Variants in NCF2 observed in about 807,000 individuals in gnomAD.
NCF2 encodes neutrophil cytosolic factor 2, also known as neutrophil cytosol factor 2.
A neutral mutation model predicts 70.9 loss-of-function variants in NCF2; 45 were observed. The observed-to-expected ratio is 0.63, with a 90% CI of 0.50 to 0.81. The LOEUF (loss-of-function observed/expected upper bound fraction) is 0.81. Among genes scored for constraint, NCF2 ranks in the 40% least tolerant of loss-of-function variants. NCF2 has a pLI of 0.00. For missense variants in NCF2, 522 were observed against 631.6 expected (o/e 0.83, Z 1.86); for synonymous variants, 203 against 233.6 (o/e 0.87, Z 1.19).
rs562759045 is a variant in NCF2, at chr1:183,558,068, T to C, written c.1469-1838A>G. ...TTTTTTATTTTTAGTAGAGATGGGG[T>C]TTCACCATGTTGGCCAGGCTGGTCT... On this transcript the variant is annotated intron_variant, in intron 14 of 14. Coordinates refer to ENST00000367535, the MANE Select transcript of NCF2 (RefSeq NM_000433.4). 1.1e-3 allele frequency among the ~76,000 whole-genome samples: 165 copies of C among 151,732 alleles called. 1 individual carries two copies. Among genetic ancestry groups the C allele is most frequent in the African/African-American group, 3.8e-3 (158 of 41,352 alleles).
At chr1:183,594,324 T>C (rs901007991), upstream of NCF2, among the ~76,000 whole-genome samples, 10 of 152,256 alleles carry the variant, frequency 6.6e-5, no homozygotes, top group African/African-American at 2.4e-4. Context: ...GGGAGGATCA[T>C]TTGAGCTCAG....
intron 7 of NCF2, 76 bp from the exon 8 acceptor site, chr1:183,567,421 C>G: frequency 1.2e-6 from 2 of 1,600,440 alleles, no homozygotes; most frequent in East Asian, 4.5e-5. Flanking sequence ...GAACTTGGAG[C>G]CAGGGACTTG....
Position 183,560,306 on chromosome 1 carries a change from A to G in NCF2, c.1291-33T>C, listed in dbSNP as rs1313670190. 14 of 1,612,258 alleles carry G rather than the reference A, an allele frequency of 8.7e-6. No individual in the cohort carries two copies. In the East Asian group the frequency reaches 1.1e-4, roughly 13 times the overall value. Reference sequence around the variant, plus strand: ...AATAAAGGGCCTGTTAATTTTCCCAATTTCCTGCCAAGTGAACACTGAACA... The same window carrying G: ...AATAAAGGGCCTGTTAATTTTCCCAGTTTCCTGCCAAGTGAACACTGAACA... On this transcript the variant is annotated intron_variant, in intron 13 of 14. Coordinates refer to ENST00000367535, the MANE Select transcript of NCF2 (RefSeq NM_000433.4).
intron 11 of NCF2, 62 bp from the exon 12 acceptor site, chr1:183,563,647 A>C: frequency 6.2e-7 from 1 of 1,604,308 alleles, no homozygotes; most frequent in East Asian, 2.2e-5. Flanking sequence ...AACATCCTGG[A>C]TCACCGCAGT....
upstream of NCF2, among the ~76,000 whole-genome samples, chr1:183,593,755 C>G (rs1223566850): frequency 6.6e-6 from 1 of 152,152 alleles, no homozygotes; most frequent in Non-Finnish European, 1.5e-5. Context: ...TCTATTTAAT[C>G]ATTACTTGGT....
chr1:183,574,767 A>G (rs1000305887), intron 3 of NCF2, 146 bp from the exon 4 acceptor site: 21 of 992,880 alleles, frequency 2.1e-5, no homozygotes, highest in Non-Finnish European at 2.9e-5. Context: ...AATATAGTGC[A>G]ATTAGTCTTG....
chr1:183,567,926 T>A (rs1326123315), intron 7 of NCF2, among the ~76,000 whole-genome samples: 1 of 152,136 alleles, frequency 6.6e-6, no homozygotes, highest in East Asian at 1.9e-4. Context: ...TCTGACTTCA[T>A]GCTTTTAGGC....
At chr1:183,598,219 C>G in the NCF2 span, 5 of 152,214 alleles carry the variant, frequency 3.3e-5, no homozygotes, top group African/African-American at 4.8e-5. Flanking sequence ...AGCTTAGACC[C>G]TTGCAATAAA....
At chr1:183,599,546 CTTCTTTCT>C in the NCF2 span, among the ~76,000 whole-genome samples, 12 of 113,774 alleles carry the variant, frequency 1.1e-4, no homozygotes, top group Non-Finnish European at 1.9e-4. Flanking sequence ...TCTTTCTTTC[CTTCTTTCT>C]TTCTTTCTTT....
chr1:183,571,586 G>A (rs1303104667), intron 5 of NCF2, among the ~76,000 whole-genome samples: 2 of 152,110 alleles, frequency 1.3e-5, no homozygotes, highest in African/African-American at 2.4e-5. Flanking sequence ...GGCAACAACC[G>A]GTTTGCTTTC....
the NCF2 span, among the ~76,000 whole-genome samples, chr1:183,601,639 C>T: frequency 2.5e-4 from 38 of 152,028 alleles, 1 homozygote; most frequent in Admixed American, 1.1e-3. Context: ...GGGTGGGTCA[C>T]GAGGTCAGAA....
chr1:183,565,159 G>C (rs560290739), intron 10 of NCF2, among the ~76,000 whole-genome samples: 1 of 152,294 alleles, frequency 6.6e-6, no homozygotes, highest in East Asian at 1.9e-4. Flanking sequence ...CTCACTCTGC[G>C]TCTCTACCAA....
chr1:183,565,391 C>T (rs1379868237), intron 10 of NCF2, among the ~76,000 whole-genome samples: 1 of 152,214 alleles, frequency 6.6e-6, no homozygotes, highest in Non-Finnish European at 1.5e-5. Flanking sequence ...GTTACTTCAA[C>T]TTTTCTTCCT....
chr1:183,588,428 TTG>T, intron 1 of NCF2, among the ~76,000 whole-genome samples: 1 of 149,980 alleles, frequency 6.7e-6, no homozygotes, highest in African/African-American at 2.5e-5. Flanking sequence ...TGAGCCGAGA[TTG>T]CACCACTGCA....
At chr1:183,586,732 T>G (rs1319175738) in intron 2 of NCF2, among the ~76,000 whole-genome samples, 163 bp downstream of exon 2, 2 of 152,206 alleles carry the variant, frequency 1.3e-5, no homozygotes, top group Non-Finnish European at 2.9e-5. Flanking sequence ...AGTGAGAGCT[T>G]CTGCCTCACC....
the NCF2 span, among the ~76,000 whole-genome samples, chr1:183,599,415 T>C: frequency 1.5e-5 from 2 of 129,732 alleles, no homozygotes; most frequent in Non-Finnish European, 3.4e-5. Flanking sequence ...TCTTTCTTTC[T>C]TTCTTTCCTT....
Position 183,579,991 on chromosome 1 carries a change from A to G in NCF2, c.258-2284T>C, listed in dbSNP as rs35205865. On this transcript the variant is annotated intron_variant, in intron 2 of 14. Transcript: ENST00000367535. ...ATATAAGCTATTATCAGGATATTTT[A>G]AAAATACATGGCATAGAAGCTGGAA... 5.9e-5 allele frequency among the ~76,000 whole-genome samples: 9 copies of G among 152,262 alleles called. No individual in the cohort carries two copies. The East Asian group carries it at 1.7e-3, about 29-fold the overall frequency.
At chr1:183,590,627 G>A, upstream of NCF2, 2 of 445,500 alleles carry the variant, frequency 4.5e-6, no homozygotes, top group Non-Finnish European at 8.4e-6. Flanking sequence ...AAGTACATCA[G>A]CTGCTGCCTG....
chr1:183,571,320 G>T (rs1043744192), intron 5 of NCF2, among the ~76,000 whole-genome samples: 20 of 151,956 alleles, frequency 1.3e-4, no homozygotes, highest in Non-Finnish European at 2.5e-4. Flanking sequence ...TTTTCACCAT[G>T]TTGGCCAGGC....
Sources: gnomAD v4.1 joint callset for allele counts (sites outside exome capture counted in the v4.1 genomes callset) on GRCh38, gnomAD v4.1.1 for gene constraint, MANE v1.5 for transcripts, NCBI Gene and HGNC (gene_info 2026-07-23, HGNC 2026-07-21) for gene names.